FRMD5: variants seen among roughly 807,000 people sequenced by gnomAD.
FRMD5 encodes the protein FERM domain-containing protein 5.
FRMD5 carries 20 observed loss-of-function variants against 69.0 expected under a neutral mutation model. The ratio of observed to expected loss-of-function variants is 0.29; its 90% confidence interval spans 0.20 to 0.42. FRMD5 has a LOEUF of 0.42. Ranked by LOEUF, FRMD5 falls within the 10% of genes least tolerant of loss-of-function variation. The pLI, the probability that FRMD5 is intolerant of heterozygous loss-of-function variation, is 1.00. For synonymous variants in FRMD5, 271 were observed against 260.1 expected (o/e 1.04, Z -0.40); for missense variants, 595 against 708.6 (o/e 0.84, Z 1.82).
chr15:44,141,565 C>G (rs539936082), intron 1 of FRMD5, among the ~76,000 whole-genome samples: 2 of 152,068 alleles, frequency 1.3e-5, no homozygotes, highest in South Asian at 4.1e-4. Flanking sequence ...AAAAAAGAAC[C>G]CTAAATGTGA....
intron 1 of FRMD5, among the ~76,000 whole-genome samples, chr15:44,122,151 T>G (rs550801349): frequency 5.4e-4 from 82 of 152,262 alleles, no homozygotes; most frequent in Non-Finnish European, 9.6e-4. Context: ...CTTGAAATAC[T>G]CAGACATTAT....
intron 1 of FRMD5, among the ~76,000 whole-genome samples, chr15:44,172,306 G>C (rs1371582638): frequency 6.7e-6 from 1 of 148,822 alleles, no homozygotes; most frequent in African/African-American, 2.5e-5. Flanking sequence ...GAGGGACAGG[G>C]TCTTGCCATG....
chr15:43,873,392 G>GC lies in FRMD5; in HGVS notation c.*492dup. On this transcript the variant is annotated 3_prime_UTR_variant, in exon 14 of 14. Coordinates refer to ENST00000417257, the MANE Select transcript of FRMD5 (RefSeq NM_032892.5). ...TCCCCATTGTCCAGATCCCTGGCCT[G>GC]CCCTGCTGAGGCTGCAGTGATGAGT... The GC allele has an allele frequency of 6.9e-7, 1 of 1,442,590 alleles. No homozygotes were observed. The highest frequency in any genetic ancestry group is 9.0e-7 in the Non-Finnish European group (1 of 1,107,258). 89.4% of individuals were successfully genotyped at this position (1,442,590 alleles called of 1,614,324 possible).
chr15:43,961,203 A>G (rs1329335870), intron 1 of FRMD5, among the ~76,000 whole-genome samples: 1 of 152,188 alleles, frequency 6.6e-6, no homozygotes, highest in Admixed American at 6.5e-5. Flanking sequence ...TAGATGCAAT[A>G]AAAAATGACA....
intron 5 of FRMD5, among the ~76,000 whole-genome samples, chr15:43,907,861 C>T (rs1016573972): frequency 2.0e-5 from 3 of 152,006 alleles, no homozygotes; most frequent in Non-Finnish European, 4.4e-5. Context: ...AGGCTGGTCT[C>T]GAACTCCTGG....
At chr15:44,193,078 A>G (rs4924743) in intron 1 of FRMD5, among the ~76,000 whole-genome samples, 55,734 of 152,024 alleles carry the variant, frequency 0.37, 10,577 homozygotes, top group Middle Eastern at 0.55. Context: ...TATAATACCA[A>G]TCAAGCAACC....
At chr15:44,132,790 C>G (rs1324262093) in intron 1 of FRMD5, among the ~76,000 whole-genome samples, 1 of 151,536 alleles carries the variant, frequency 6.6e-6, no homozygotes, top group Non-Finnish European at 1.5e-5. Flanking sequence ...CAGAGTCTCG[C>G]CCTGTTGCCC....
At chr15:44,098,007 C>T (rs767504565) in intron 1 of FRMD5, among the ~76,000 whole-genome samples, 1 of 151,644 alleles carries the variant, frequency 6.6e-6, no homozygotes, top group Non-Finnish European at 1.5e-5. Flanking sequence ...AAAGGACCTG[C>T]AGCAGCATGA....
chr15:43,885,805 C>G (rs2088649286), intron 10 of FRMD5, 50 bp from the exon 11 acceptor site: 1 of 1,392,778 alleles, frequency 7.2e-7, no homozygotes, highest in Non-Finnish European at 1.0e-6. Flanking sequence ...CTGCCTCACA[C>G]AGGTTAAGGC....
chr15:44,022,035 C>G (rs1188566424), intron 1 of FRMD5, among the ~76,000 whole-genome samples: 4 of 151,798 alleles, frequency 2.6e-5, no homozygotes, highest in Non-Finnish European at 5.9e-5. Context: ...AAGCCAGACA[C>G]AAAAGGAAAA....
chr15:43,893,297 C>T (rs967235665), intron 7 of FRMD5, among the ~76,000 whole-genome samples: 2 of 152,242 alleles, frequency 1.3e-5, no homozygotes, highest in South Asian at 2.1e-4. Context: ...AGAACAGTTG[C>T]CACCAGCCCT....
At chr15:44,108,376 G>A (rs1221858017) in intron 1 of FRMD5, among the ~76,000 whole-genome samples, 1 of 152,168 alleles carries the variant, frequency 6.6e-6, no homozygotes, top group African/African-American at 2.4e-5. Flanking sequence ...CAGGCGCGGT[G>A]GCTCATGCCT....
chr15:43,882,490 C>G (rs1423186944), intron 13 of FRMD5, among the ~76,000 whole-genome samples: 1 of 152,020 alleles, frequency 6.6e-6, no homozygotes, highest in East Asian at 1.9e-4. Context: ...CCCCAAGTAG[C>G]TGGGATTACA....
chr15:44,197,877 CA>C (rs2078322181), upstream of FRMD5, among the ~76,000 whole-genome samples: 1 of 152,050 alleles, frequency 6.6e-6, no homozygotes, highest in East Asian at 1.9e-4. Flanking sequence ...AATGAAAAGG[CA>C]AAGCACTATG....
chr15:44,153,990 A>C (rs1450461270), intron 1 of FRMD5, among the ~76,000 whole-genome samples: 1 of 152,010 alleles, frequency 6.6e-6, no homozygotes, highest in Non-Finnish European at 1.5e-5. Context: ...AAGATGGTAA[A>C]TTTTACATTA....
intron 4 of FRMD5, among the ~76,000 whole-genome samples, chr15:43,912,039 C>T (rs1398630270): frequency 1.3e-5 from 2 of 152,192 alleles, no homozygotes; most frequent in African/African-American, 2.4e-5. Context: ...ATCAGCATCA[C>T]TTGAGAGCTT....
intron 1 of FRMD5, among the ~76,000 whole-genome samples, chr15:44,116,501 A>C (rs956088493): frequency 1.3e-5 from 2 of 152,162 alleles, no homozygotes. Context: ...GAAAGGGTAC[A>C]TTTTGAAAAC....
chr15:44,060,055 G>C (rs1483904077), intron 1 of FRMD5, among the ~76,000 whole-genome samples: 1 of 152,256 alleles, frequency 6.6e-6, no homozygotes, highest in East Asian at 1.9e-4. Context: ...GAGAAGACAA[G>C]AAGGTAAGTG....
At chr15:44,198,239 G>A (rs929161185), upstream of FRMD5, among the ~76,000 whole-genome samples, 1 of 150,524 alleles carries the variant, frequency 6.6e-6, no homozygotes, top group South Asian at 2.1e-4. Context: ...TGGGAGGATT[G>A]CTTGAGCCTA....
Sources: allele counts gnomAD v4.1 joint callset (sites outside exome capture counted in the v4.1 genomes callset), GRCh38; gene constraint gnomAD v4.1.1; transcripts MANE v1.5; gene names NCBI Gene and HGNC (gene_info 2026-07-23, HGNC 2026-07-21).